Variants in LRRN1 observed in about 807,000 individuals in gnomAD.
LRRN1 encodes leucine-rich repeat neuronal protein 1.
LRRN1 carries 14 observed loss-of-function variants against 45.8 expected under a neutral mutation model. That is an observed-to-expected ratio of 0.31 (90% CI 0.20 to 0.48). The LOEUF is 0.48. Ranked by LOEUF, LRRN1 falls within the 20% of genes least tolerant of loss-of-function variation. The pLI, the probability that LRRN1 is intolerant of heterozygous loss-of-function variation, is 0.99. For missense variants in LRRN1, 789 were observed against 874.2 expected, an observed-to-expected ratio of 0.90 and a Z score of 1.23; for synonymous variants, 359 against 330.1, an observed-to-expected ratio of 1.09 and a Z score of -0.95.
Position 3,833,725 on chromosome 3 carries a change from G to A in LRRN1, c.-278-10639G>A, listed in dbSNP as rs187067536. On this transcript the variant is annotated intron_variant, in intron 1 of 1. Transcript: ENST00000319331. ...GGCCATCACTGTTGCCTCAGGCAGC[G>A]CAGGGTTTGTCTCCTCAGACAAAGG... 2.5e-3 allele frequency among the ~76,000 whole-genome samples: 378 copies of A among 152,274 alleles called. 1 individual carries two copies. Among genetic ancestry groups the A allele is most frequent in the Non-Finnish European group, 3.8e-3 (261 of 68,020 alleles).
intron 1 of LRRN1, among the ~76,000 whole-genome samples, chr3:3,823,840 A>G (rs996131760): frequency 6.6e-6 from 1 of 152,112 alleles, no homozygotes; most frequent in African/African-American, 2.4e-5. Flanking sequence ...GCTCCCAATC[A>G]AGAAGTGCTG....
rs145485413 is a variant in LRRN1, at chr3:3,831,533, C to CAAAGCTGGAGAGCTGATATACCCCT, written c.-278-12831_-278-12830insAAAGCTGGAGAGCTGATATACCCCT. On this transcript the variant is annotated intron_variant, in intron 1 of 1. Transcript: ENST00000319331. ...GGTCTCTCTGAATAAGACTATGACA[C>CAAAGCTGGAGAGCTGATATACCCCT]GGCCGGGCGCGGTGGCTCACGCCTG... is the stretch of plus-strand genomic sequence containing the variant. Among the ~76,000 whole-genome samples, 6 of 10,276 alleles carry CAAAGCTGGAGAGCTGATATACCCCT rather than the reference C, an allele frequency of 5.8e-4. 2 individuals carry two copies. Among genetic ancestry groups the CAAAGCTGGAGAGCTGATATACCCCT allele is most frequent in the Non-Finnish European group, 5.7e-4 (2 of 3,538 alleles). The allele number at this position is 10,276 out of a possible 152,430, so 6.7% of individuals were successfully genotyped here. A position where few individuals can be genotyped will look rare whatever the true frequency, so the allele number is the denominator to read the frequency against.
At chr3:3,841,589 G>A (rs532086155) in intron 1 of LRRN1, among the ~76,000 whole-genome samples, 1 of 152,064 alleles carries the variant, frequency 6.6e-6, no homozygotes, top group African/African-American at 2.4e-5. Context: ...CGCCATCTTG[G>A]CTCACTGCAA....
chr3:3,844,720 A>G lies in LRRN1; in HGVS notation c.79A>G (p.Ile27Val). 3 of 1,614,182 alleles carry G rather than the reference A, an allele frequency of 1.9e-6. No individual in the cohort carries two copies. Among genetic ancestry groups the G allele is most frequent in the Non-Finnish European group, 2.5e-6 (3 of 1,180,014 alleles). Residue 27 changes from isoleucine to valine, a missense_variant, in exon 2 of 2, where the codon ATA becomes GTA. Coordinates refer to ENST00000319331, the MANE Select transcript of LRRN1 (RefSeq NM_020873.7). ...AATGACTTCATTAACCGAGTCTTCC[A>G]TACAGAATAGTGAGTGTCCACAACT... ...LLMTSLTESS[I>V]QNSECPQLCV...
chr3:3,847,856 AG>A lies in LRRN1; in HGVS notation c.*1067del, dbSNP rs548564931. Reference sequence around the variant, plus strand: ...TGACTAGCACCTAATGGGCAGTGGGAGGGTGGTTCATATGAAGAAAAAAAGG... The same window carrying A: ...TGACTAGCACCTAATGGGCAGTGGGAGGTGGTTCATATGAAGAAAAAAAGG... On this transcript the variant is annotated 3_prime_UTR_variant, in exon 2 of 2. Coordinates refer to ENST00000319331, the MANE Select transcript of LRRN1 (RefSeq NM_020873.7). 3.7e-4 allele frequency among the ~76,000 whole-genome samples: 56 copies of A among 152,152 alleles called. No homozygotes were observed. The highest frequency in any genetic ancestry group is 7.9e-4 in the Admixed American group (12 of 15,284).
intron 1 of LRRN1, among the ~76,000 whole-genome samples, chr3:3,814,703 C>T (rs919161167): frequency 6.6e-6 from 1 of 152,132 alleles, no homozygotes; most frequent in South Asian, 2.1e-4. Context: ...CCTTCCATCT[C>T]CTCTGCCATG....
chr3:3,848,820 G>A lies in LRRN1; in HGVS notation c.*2028G>A, dbSNP rs141860796. ...CGGCAGCCTGTTAGGTTCCTGTGCA[G>A]GGCCCCTCTTTTGCAGTTCTGAATA... On this transcript the variant is annotated 3_prime_UTR_variant, in exon 2 of 2. Coordinates refer to ENST00000319331, the MANE Select transcript of LRRN1 (RefSeq NM_020873.7). 1.5e-3 allele frequency among the ~76,000 whole-genome samples: 221 copies of A among 152,268 alleles called. 2 individuals are homozygous for A. The South Asian group carries it at 0.025, about 17-fold the overall frequency.
intron 1 of LRRN1, among the ~76,000 whole-genome samples, chr3:3,835,001 A>T (rs1307848596): frequency 6.6e-6 from 1 of 152,046 alleles, no homozygotes; most frequent in Non-Finnish European, 1.5e-5. Context: ...TAACCATCAT[A>T]CCCAGGCCCT....
At chr3:3,827,879 G>A (rs1433805017) in intron 1 of LRRN1, among the ~76,000 whole-genome samples, 2 of 151,962 alleles carry the variant, frequency 1.3e-5, no homozygotes, top group Non-Finnish European at 2.9e-5. Flanking sequence ...TTGGTCTCTG[G>A]ATTTTATTAA....
rs1575303769 is a variant in LRRN1 at position 3,844,568 on chromosome 3, C to A, written c.-74C>A. On this transcript the variant is annotated 5_prime_UTR_variant, in exon 2 of 2. Coordinates refer to ENST00000319331, the MANE Select transcript of LRRN1 (RefSeq NM_020873.7). Reference sequence around the variant, plus strand: ...TTTACATTTTCTGCTCGCTGTCCTACATATCACAATATAGTGTTCACGTTT... The same window carrying A: ...TTTACATTTTCTGCTCGCTGTCCTAAATATCACAATATAGTGTTCACGTTT... 8.9e-7 allele frequency: 1 copy of A among 1,123,650 alleles called. No homozygotes were observed. Among genetic ancestry groups the A allele is most frequent in the Non-Finnish European group, 1.3e-6 (1 of 777,604 alleles). 69.6% of individuals were successfully genotyped at this position (1,123,650 alleles called of 1,614,324 possible).
intron 1 of LRRN1, among the ~76,000 whole-genome samples, chr3:3,807,903 C>T (rs924408343): frequency 6.6e-6 from 1 of 152,210 alleles, no homozygotes; most frequent in African/African-American, 2.4e-5. Context: ...CTGTGTTCCA[C>T]AGGGACACAG....
At position 3,846,539 on chromosome 3, in the gene LRRN1, C is replaced by A; in HGVS notation, c.1898C>A (p.Ala633Asp). ...ISDQETSTAL[A>D]AVMGSMFAVI... ...GATCAAGAAACCAGTACAGCCCTTGCTGCAGTAATGGGGTCTATGTTTGCC... is the reference window on the plus strand; with the variant it reads ...GATCAAGAAACCAGTACAGCCCTTGATGCAGTAATGGGGTCTATGTTTGCC... Residue 633 changes from alanine to aspartate, a missense_variant, in exon 2 of 2, where the codon GCT (alanine) becomes GAT (aspartate). Transcript: ENST00000319331. This position sits in a 1 kb window ranked among gnomAD's most constrained non-coding sequence, Gnocchi z 5.7. 6.2e-7 allele frequency: 1 copy of A among 1,614,172 alleles called. No individual in the cohort carries two copies. Among genetic ancestry groups the A allele is most frequent in the Non-Finnish European group, 8.5e-7 (1 of 1,180,018 alleles).
At chr3:3,825,870 A>G (rs769558906) in intron 1 of LRRN1, among the ~76,000 whole-genome samples, 5 of 152,216 alleles carry the variant, frequency 3.3e-5, no homozygotes, top group Non-Finnish European at 5.9e-5. Flanking sequence ...TTTGCCAATA[A>G]TATTTGAAAA....
At position 3,849,245 on chromosome 3, in the gene LRRN1, T is replaced by C. The variant is rs775062328; in HGVS notation, c.*2453T>C. Among the ~76,000 whole-genome samples, 1 of 152,202 alleles carries C rather than the reference T, an allele frequency of 6.6e-6. No individual in the cohort carries two copies. Among genetic ancestry groups the C allele is most frequent in the Non-Finnish European group, 1.5e-5 (1 of 68,032 alleles). ...AATGAAGGGAAAAACCTCAGCCGTTTCTCCATTCTGAAGATATAGCAAGCA... is the reference window on the plus strand; with the variant it reads ...AATGAAGGGAAAAACCTCAGCCGTTCCTCCATTCTGAAGATATAGCAAGCA... On this transcript the variant is annotated 3_prime_UTR_variant, in exon 2 of 2. Coordinates refer to ENST00000319331, the MANE Select transcript of LRRN1 (RefSeq NM_020873.7).
intron 1 of LRRN1, among the ~76,000 whole-genome samples, chr3:3,802,888 C>T (rs1692683979): frequency 6.6e-6 from 1 of 152,160 alleles, no homozygotes. Context: ...TTTGTGAAAC[C>T]TTATCTTTGG....
At chr3:3,802,261 C>T (rs189122042) in intron 1 of LRRN1, among the ~76,000 whole-genome samples, 2 of 152,328 alleles carry the variant, frequency 1.3e-5, no homozygotes, top group East Asian at 3.9e-4. Flanking sequence ...CGTTGTGCGA[C>T]AGCTGAACAA....
intron 1 of LRRN1, among the ~76,000 whole-genome samples, chr3:3,836,972 C>T (rs1034159086): frequency 2.0e-5 from 3 of 152,122 alleles, no homozygotes; most frequent in African/African-American, 7.2e-5. Context: ...TTTCTTGGCC[C>T]ACCTACACAA....
At chr3:3,801,172 C>T (rs1308890540) in intron 1 of LRRN1, 1 of 152,300 alleles carries the variant, frequency 6.6e-6, no homozygotes, top group African/African-American at 2.4e-5. Context: ...GAGTGAACGA[C>T]TGGCCGGGGT....
chr3:3,846,105 C>A lies in LRRN1; in HGVS notation c.1464C>A (p.Asn488Lys). Residue 488 changes from asparagine (N) to lysine (K), a missense_variant, in exon 2 of 2, where the codon AAC becomes AAA. Coordinates refer to ENST00000319331, the MANE Select transcript of LRRN1 (RefSeq NM_020873.7). The surrounding 1 kb of genome is among the most constrained non-coding windows in gnomAD (Gnocchi z 5.7). ...GCGAAGGTACCTTGGAAATATCTAA[C>A]ATACAAATTGAAGACTCAGGAAGAT... Reference protein sequence around the residue: ...LSSEGTLEISNIQIEDSGRYT... With the variant: ...LSSEGTLEISKIQIEDSGRYT... 1 of 1,614,054 alleles carries A rather than the reference C, an allele frequency of 6.2e-7. No individual in the cohort carries two copies. Among genetic ancestry groups the A allele is most frequent in the Non-Finnish European group, 8.5e-7 (1 of 1,180,018 alleles).
Sources: allele counts gnomAD v4.1 joint callset (sites outside exome capture counted in the v4.1 genomes callset), GRCh38; gene constraint gnomAD v4.1.1; non-coding constraint Gnocchi (gnomAD v3.1); transcripts MANE v1.5; gene names NCBI Gene and HGNC (gene_info 2026-07-23, HGNC 2026-07-21).